The following PCDH15 variants were observed in gnomAD, a reference collection of about 807,000 sequenced individuals.
PCDH15 encodes the protein protocadherin related 15, also known as protocadherin-15.
A neutral mutation model predicts 178.5 loss-of-function variants in PCDH15; 129 were observed. The observed-to-expected ratio is 0.72, with a 90% CI of 0.63 to 0.84. PCDH15 has a LOEUF of 0.84. Among genes scored for constraint, PCDH15 ranks in the 40% least tolerant of loss-of-function variants. The pLI, the probability that PCDH15 is intolerant of heterozygous loss-of-function variation, is 0.00. For missense variants in PCDH15, 2,230 were observed against 2,099.9 expected (o/e 1.06, Z -1.21); for synonymous variants, 800 against 732.0 (o/e 1.09, Z -1.50).
intron 8 of PCDH15, among the ~76,000 whole-genome samples, chr10:54,237,730 G>A (rs376547743): frequency 1.3e-5 from 2 of 152,178 alleles, no homozygotes; most frequent in East Asian, 1.9e-4. Flanking sequence ...CAGGTGGTAA[G>A]TTATATGAGG....
chr10:53,900,209 TTCTC>T (rs5785026), intron 26 of PCDH15, among the ~76,000 whole-genome samples: 104,521 of 144,456 alleles, frequency 0.72, 37,944 homozygotes, highest in East Asian at 0.99. Context: ...TCTCTAAACT[TTCTC>T]TCTCTCTCTC....
intron 10 of PCDH15, 67 bp downstream of exon 10, chr10:54,213,869 A>G: frequency 9.9e-7 from 1 of 1,014,920 alleles, no homozygotes; most frequent in Non-Finnish European, 1.6e-6. Flanking sequence ...TGCCTACAGT[A>G]GCGTCTACAG....
chr10:53,835,587 C>A (rs2077259407), intron 29 of PCDH15, among the ~76,000 whole-genome samples: 1 of 151,988 alleles, frequency 6.6e-6, no homozygotes, highest in Non-Finnish European at 1.5e-5. Flanking sequence ...GAGATGTGAC[C>A]ATACATTGTT....
chr10:54,547,190 A>C (rs2085956800), intron 2 of PCDH15, among the ~76,000 whole-genome samples: 1 of 152,206 alleles, frequency 6.6e-6, no homozygotes, highest in Non-Finnish European at 1.5e-5. Context: ...AAGAGTTTTC[A>C]AAGATACAAT....
At chr10:54,971,174 G>A (rs1838921135) in intron 2 of PCDH15, among the ~76,000 whole-genome samples, 1 of 152,100 alleles carries the variant, frequency 6.6e-6, no homozygotes, top group African/African-American at 2.4e-5. Context: ...TAGTTTTAAT[G>A]TTTGTGTCCC....
intron 2 of PCDH15, among the ~76,000 whole-genome samples, chr10:54,898,125 GCCT>G (rs1278568564): frequency 1.3e-5 from 2 of 151,970 alleles, no homozygotes; most frequent in Non-Finnish European, 2.9e-5. Flanking sequence ...AGTGTGTGAG[GCCT>G]CCTCAGAAGC....
At chr10:54,792,013 T>C (rs1201596194) in intron 1 of PCDH15, among the ~76,000 whole-genome samples, 3 of 151,550 alleles carry the variant, frequency 2.0e-5, no homozygotes, top group Non-Finnish European at 2.9e-5. Flanking sequence ...CCCTGAGAAG[T>C]AGAAAGAACA....
chr10:54,853,643 AT>A (rs34014513), intron 3 of PCDH15, among the ~76,000 whole-genome samples: 23,235 of 150,144 alleles, frequency 0.15, 2,262 homozygotes, highest in Non-Finnish European at 0.22. Context: ...AAAAAAAAAG[AT>A]TTTTTTTTCA....
At chr10:53,813,887 G>T (rs1340253615) in intron 35 of PCDH15, among the ~76,000 whole-genome samples, 3 of 152,252 alleles carry the variant, frequency 2.0e-5, no homozygotes, top group East Asian at 1.9e-4. Context: ...AGCTTGAGGG[G>T]CATGTGCACT....
rs566366270 is a variant in PCDH15, at chr10:55,374,981, A to T, written c.-155-208330T>A. Among the ~76,000 whole-genome samples, 10 of 152,250 alleles carry T rather than the reference A, an allele frequency of 6.6e-5. No homozygotes were observed. In the East Asian group the frequency reaches 1.5e-3, roughly 24 times the overall value. On this transcript the variant is annotated intron_variant, in intron 2 of 5. Transcript: ENST00000613346. The stretch of plus-strand genomic sequence containing the variant: ...TGAATCTTGTTAAAATTTTTATGAG[A>T]TCTACACTTCAGTTACCAAGTAACT...
chr10:54,622,640 TA>T (rs1436253361), intron 2 of PCDH15, among the ~76,000 whole-genome samples: 868 of 45,276 alleles, frequency 0.019, 32 homozygotes, highest in African/African-American at 0.067. Flanking sequence ...ATATATTATA[TA>T]ATTATATATA....
At chr10:53,829,442 C>T (rs1214434427) in intron 30 of PCDH15, among the ~76,000 whole-genome samples, 1 of 152,080 alleles carries the variant, frequency 6.6e-6, no homozygotes, top group Non-Finnish European at 1.5e-5. Context: ...CACTGATTTG[C>T]TTGCTAGCAG....
chr10:54,849,781 C>T (rs1404468483), intron 3 of PCDH15, among the ~76,000 whole-genome samples: 1 of 152,076 alleles, frequency 6.6e-6, no homozygotes, highest in Non-Finnish European at 1.5e-5. Context: ...ATGAAGTTGA[C>T]TATAAATACT....
chr10:54,777,450 A>G (rs1015921313), intron 1 of PCDH15, among the ~76,000 whole-genome samples: 3 of 152,128 alleles, frequency 2.0e-5, no homozygotes, highest in African/African-American at 7.2e-5. Context: ...AAAAACTAAG[A>G]CTGCTTACAA....
At chr10:54,122,277 C>G (rs1477931703) in intron 15 of PCDH15, among the ~76,000 whole-genome samples, 1 of 151,966 alleles carries the variant, frequency 6.6e-6, no homozygotes, top group Non-Finnish European at 1.5e-5. Flanking sequence ...CATATGATCA[C>G]CTCGAGAGAC....
At chr10:54,971,250 G>T (rs1591812858) in intron 2 of PCDH15, among the ~76,000 whole-genome samples, 1 of 152,230 alleles carries the variant, frequency 6.6e-6, no homozygotes, top group Non-Finnish European at 1.5e-5. Flanking sequence ...CCTTGAGGAG[G>T]TTCTTAGGTT....
chr10:54,821,370 T>C (rs1052715673), intron 3 of PCDH15, among the ~76,000 whole-genome samples: 4 of 151,950 alleles, frequency 2.6e-5, no homozygotes, highest in Non-Finnish European at 4.4e-5. Context: ...GTGAGTCCCA[T>C]TGTTGTAGGG....
At chr10:54,692,962 C>T (rs1277016773) in intron 1 of PCDH15, among the ~76,000 whole-genome samples, 1 of 151,988 alleles carries the variant, frequency 6.6e-6, no homozygotes, top group Non-Finnish European at 1.5e-5. Context: ...CGTGCAGGTT[C>T]GTTACATAGG....
chr10:54,731,559 T>TAG (rs1329721840), intron 1 of PCDH15, among the ~76,000 whole-genome samples: 1 of 50,572 alleles, frequency 2.0e-5, no homozygotes. Context: ...TATATATATA[T>TAG]ATATACACAC....
Sources: gnomAD v4.1 joint callset for allele counts (sites outside exome capture counted in the v4.1 genomes callset) on GRCh38, gnomAD v4.1.1 for gene constraint, MANE v1.5 for transcripts, NCBI Gene and HGNC (gene_info 2026-07-23, HGNC 2026-07-21) for gene names.